CPQ: variants seen among roughly 807,000 people sequenced by gnomAD.
CPQ encodes the protein Ser-Met dipeptidase.
A neutral mutation model predicts 45.7 loss-of-function variants in CPQ; 37 were observed. The ratio of observed to expected loss-of-function variants is 0.81; its 90% CI spans 0.62 to 1.07. The LOEUF (loss-of-function observed/expected upper bound fraction) is 1.07. Ranked by LOEUF, CPQ falls within the 50% of genes least tolerant of loss-of-function variation. The probability of loss-of-function intolerance (pLI) is 0.00; values close to 1 mark genes in which losing one functional copy is unlikely to be tolerated. For synonymous variants in CPQ, 186 were observed against 205.8 expected (o/e 0.90, Z 0.82); for missense variants, 537 against 572.9 (o/e 0.94, Z 0.64).
intron 4 of CPQ, among the ~76,000 whole-genome samples, chr8:96,931,910 A>G (rs1426171274): frequency 6.6e-6 from 1 of 152,188 alleles, no homozygotes; most frequent in Non-Finnish European, 1.5e-5. Context: ...TCATCATTAC[A>G]GATCCCTCTG....
chr8:96,927,014 T>G (rs1230353060), intron 4 of CPQ, among the ~76,000 whole-genome samples: 3 of 152,252 alleles, frequency 2.0e-5, no homozygotes, highest in African/African-American at 7.2e-5. Flanking sequence ...AAAATGGGCG[T>G]AAGCTGCAAC....
intron 6 of CPQ, among the ~76,000 whole-genome samples, chr8:97,036,321 C>G (rs1563561115): frequency 6.6e-6 from 1 of 151,994 alleles, no homozygotes; most frequent in East Asian, 1.9e-4. Context: ...GGGGAAAAGT[C>G]CAGAAAATGC....
At chr8:96,670,542 A>G (rs1206029345) in intron 1 of CPQ, among the ~76,000 whole-genome samples, 1 of 152,188 alleles carries the variant, frequency 6.6e-6, no homozygotes, top group Non-Finnish European at 1.5e-5. Context: ...GAAAATTAAC[A>G]GAGACAGACA....
At chr8:96,983,398 G>A (rs1813941001) in intron 5 of CPQ, among the ~76,000 whole-genome samples, 1 of 152,126 alleles carries the variant, frequency 6.6e-6, no homozygotes, top group African/African-American at 2.4e-5. Context: ...AGTTATTACT[G>A]CGTTACTGAG....
intron 5 of CPQ, among the ~76,000 whole-genome samples, chr8:96,980,683 G>C (rs759635571): frequency 6.6e-6 from 1 of 152,112 alleles, no homozygotes; most frequent in Non-Finnish European, 1.5e-5. Flanking sequence ...GCAAAGTTCA[G>C]CTTGGTCAGG....
chr8:96,952,654 A>T (rs544864636), intron 4 of CPQ, among the ~76,000 whole-genome samples: 16 of 152,208 alleles, frequency 1.1e-4, no homozygotes, highest in African/African-American at 3.4e-4. Flanking sequence ...GCAAATAGAG[A>T]AAAAAGTCTT....
At chr8:96,798,716 T>A (rs1236000302) in intron 2 of CPQ, among the ~76,000 whole-genome samples, 4 of 152,052 alleles carry the variant, frequency 2.6e-5, no homozygotes, top group African/African-American at 9.7e-5. Flanking sequence ...CATTTTTTTC[T>A]TTGAAGTCTT....
chr8:97,071,532 T>G (rs1382345529), intron 7 of CPQ, among the ~76,000 whole-genome samples: 1 of 152,124 alleles, frequency 6.6e-6, no homozygotes. Flanking sequence ...TTACTCCAAA[T>G]CCCTGCTATT....
At chr8:96,911,898 C>A (rs1812669158) in intron 4 of CPQ, among the ~76,000 whole-genome samples, 2 of 152,148 alleles carry the variant, frequency 1.3e-5, no homozygotes, top group Admixed American at 6.5e-5. Context: ...AGGGCACAGG[C>A]TGTAGTATCG....
intron 2 of CPQ, among the ~76,000 whole-genome samples, chr8:96,787,591 C>T (rs1326137047): frequency 8.5e-6 from 1 of 118,106 alleles, no homozygotes; most frequent in Non-Finnish European, 1.6e-5. Flanking sequence ...AAATCAGTGG[C>T]AAAGTGTCAC....
rs550220611 is a variant in CPQ at position 96,837,252 on chromosome 8, G to C, written c.641+2072G>C. Among the ~76,000 whole-genome samples the C allele has an allele frequency of 2.0e-5, 3 of 152,142 alleles. No individual in the cohort carries two copies. The South Asian group carries it at 6.2e-4, about 32-fold the overall frequency. ...ATTGTTTTTAGAACCAAATTTCTTTGATGAGTATTCTATATTCCTACCTCT... is the reference window on the plus strand; with the variant it reads ...ATTGTTTTTAGAACCAAATTTCTTTCATGAGTATTCTATATTCCTACCTCT... On this transcript the variant is annotated intron_variant, in intron 3 of 7. Coordinates refer to ENST00000220763, the MANE Select transcript of CPQ (RefSeq NM_016134.4).
chr8:96,661,953 G>A (rs1815706296), intron 1 of CPQ, among the ~76,000 whole-genome samples: 2 of 152,224 alleles, frequency 1.3e-5, no homozygotes, highest in African/African-American at 4.8e-5. Flanking sequence ...AGCATTTGGT[G>A]TTGTCAGTAT....
chr8:96,734,500 A>G (rs559127928), intron 1 of CPQ, among the ~76,000 whole-genome samples: 12 of 152,192 alleles, frequency 7.9e-5, no homozygotes, highest in African/African-American at 2.9e-4. Context: ...TCACAAGGTC[A>G]GGAGATCGAG....
chr8:97,124,259 C>T (rs1811808094), intron 7 of CPQ, among the ~76,000 whole-genome samples: 2 of 136,042 alleles, frequency 1.5e-5, no homozygotes, highest in Non-Finnish European at 1.6e-5. Flanking sequence ...AAAGTAAATT[C>T]ATTCAATTAC....
chr8:96,720,564 T>C (rs1288281451), intron 1 of CPQ, among the ~76,000 whole-genome samples: 1 of 152,208 alleles, frequency 6.6e-6, no homozygotes, highest in African/African-American at 2.4e-5. Flanking sequence ...ACAAATTACT[T>C]CCTCTGAAGA....
chr8:96,676,383 T>C (rs1231550095), intron 1 of CPQ, among the ~76,000 whole-genome samples: 1 of 152,002 alleles, frequency 6.6e-6, no homozygotes, highest in Admixed American at 6.6e-5. Flanking sequence ...TGTGAATTTA[T>C]TCCTGGGTTT....
At chr8:97,005,500 G>A (rs530050277) in intron 5 of CPQ, among the ~76,000 whole-genome samples, 81 of 152,010 alleles carry the variant, frequency 5.3e-4, no homozygotes, top group African/African-American at 1.7e-3. Flanking sequence ...CCAGGAGTTC[G>A]AGACTACCCA....
At chr8:97,081,483 A>T (rs1171597820) in intron 7 of CPQ, among the ~76,000 whole-genome samples, 1 of 152,174 alleles carries the variant, frequency 6.6e-6, no homozygotes, top group Non-Finnish European at 1.5e-5. Context: ...GGGAGCTTTT[A>T]AAATTATCTC....
intron 4 of CPQ, among the ~76,000 whole-genome samples, chr8:96,926,570 C>CTTCT (rs1563530774): frequency 6.9e-4 from 32 of 46,668 alleles, no homozygotes; most frequent in Middle Eastern, 0.013. Context: ...CTTCCTCTTC[C>CTTCT]TCTTCCTCTT....
Sources: gnomAD v4.1 joint callset for allele counts (sites outside exome capture counted in the v4.1 genomes callset) on GRCh38, gnomAD v4.1.1 for gene constraint, MANE v1.5 for transcripts, NCBI Gene and HGNC (gene_info 2026-07-23, HGNC 2026-07-21) for gene names.